PTPRK: variants seen among roughly 807,000 people sequenced by gnomAD.
PTPRK encodes the protein receptor-type tyrosine-protein phosphatase kappa.
In PTPRK, 75 loss-of-function variants were observed where a neutral mutation model predicts 178.0. The observed-to-expected ratio is 0.42, with a 90% CI of 0.35 to 0.51. The LOEUF (loss-of-function observed/expected upper bound fraction) is 0.51, where lower values mean the gene tolerates loss of function less well. Ranked by LOEUF, PTPRK falls within the 20% of genes least tolerant of loss-of-function variation. The probability of loss-of-function intolerance (pLI) is 0.02; values close to 1 mark genes in which losing one functional copy is unlikely to be tolerated. For synonymous variants in PTPRK, 637 were observed against 620.6 expected (o/e 1.03, Z -0.39); for missense variants, 1,441 against 1,797.8 (o/e 0.80, Z 3.59).
At chr6:128,253,811 A>G (rs1464503396) in intron 3 of PTPRK, among the ~76,000 whole-genome samples, 1 of 152,238 alleles carries the variant, frequency 6.6e-6, no homozygotes, top group South Asian at 2.1e-4. Context: ...TACATGTACC[A>G]TCATACTAAA....
intron 5 of PTPRK, among the ~76,000 whole-genome samples, chr6:128,230,575 C>T (rs1812128687): frequency 6.6e-6 from 1 of 151,986 alleles, no homozygotes; most frequent in African/African-American, 2.4e-5. Flanking sequence ...TATTCTATAC[C>T]TACGTTTTAT....
intron 1 of PTPRK, among the ~76,000 whole-genome samples, chr6:128,510,641 G>A (rs1857036853): frequency 6.6e-6 from 1 of 152,112 alleles, no homozygotes; most frequent in African/African-American, 2.4e-5. Context: ...ATGCATACAT[G>A]TATAAATTCT....
intron 19 of PTPRK, among the ~76,000 whole-genome samples, chr6:127,992,260 T>C (rs1776695102): frequency 6.6e-6 from 1 of 151,788 alleles, no homozygotes; most frequent in Non-Finnish European, 1.5e-5. Flanking sequence ...GTCAAAAAAT[T>C]GCTCAGTATA....
rs1421044682 is a variant in PTPRK, at chr6:128,009,162, A to C, written c.2301T>G (p.Leu767=). The part of the protein sequence containing the change: ...ISAGILVFIL[L]LLVVILIVKK... ...TTACAATTAATATGACAACTAGGAG[A>C]AGGAGGATGAACACCAAAATTCCAG... Residue 767 remains leucine, a synonymous_variant, in exon 14 of 30, where the codon CTT becomes CTG. Transcript: ENST00000368226. 3.1e-6 allele frequency: 5 copies of C among 1,608,996 alleles called. No homozygotes were observed. The East Asian group carries it at 8.9e-5, about 29-fold the overall frequency.
At position 128,519,222 on chromosome 6, in the gene PTPRK, TG is replaced by T; in HGVS notation, c.100+1036del. 2 of 436,194 alleles carry T rather than the reference TG, an allele frequency of 4.6e-6. No homozygotes were observed. The highest frequency in any genetic ancestry group is 9.3e-6 in the Non-Finnish European group (2 of 215,596). 27.0% of individuals were successfully genotyped at this position (436,194 alleles called of 1,614,324 possible). A position where few individuals can be genotyped will look rare whatever the true frequency, so the allele number is the denominator to read the frequency against. ...GGGAGCCCGCTCCCCAGCGTCCACC[TG>T]GTGAAACTTCAGAGCCCCCAGAGGA... On this transcript the variant is annotated intron_variant, in intron 1 of 29. Transcript: ENST00000368226. This position sits in a 1 kb window ranked among gnomAD's most constrained non-coding sequence, Gnocchi z 4.3.
At chr6:128,271,152 G>A in intron 3 of PTPRK, among the ~76,000 whole-genome samples, 1 of 152,076 alleles carries the variant, frequency 6.6e-6, no homozygotes, top group East Asian at 1.9e-4. Context: ...TCATAATAGT[G>A]GGAGAAATAC....
chr6:128,240,304 A>G (rs1268215410), intron 4 of PTPRK, among the ~76,000 whole-genome samples, 154 bp from the exon 5 acceptor site: 1 of 152,172 alleles, frequency 6.6e-6, no homozygotes, highest in East Asian at 1.9e-4. Flanking sequence ...TTTGTGCCGG[A>G]AGACACCATT....
At chr6:128,235,604 T>A (rs781130984) in intron 5 of PTPRK, 5 of 501,224 alleles carry the variant, frequency 1.0e-5, no homozygotes, top group African/African-American at 2.0e-5. Flanking sequence ...AGTCTGAAAA[T>A]CTTAAATGAA....
intron 1 of PTPRK, among the ~76,000 whole-genome samples, chr6:128,518,689 C>T (rs1858466807): frequency 6.6e-6 from 1 of 152,208 alleles, no homozygotes; most frequent in South Asian, 2.1e-4. Context: ...GAAATGCATG[C>T]AGTAATGCTT....
chr6:128,470,345 T>C (rs548442716), intron 1 of PTPRK, among the ~76,000 whole-genome samples: 72 of 152,136 alleles, frequency 4.7e-4, no homozygotes, highest in Non-Finnish European at 8.7e-4. Flanking sequence ...ATGCTAATTA[T>C]GAAGTGTTGT....
intron 3 of PTPRK, among the ~76,000 whole-genome samples, chr6:128,246,579 A>C (rs1228384059): frequency 6.6e-6 from 1 of 152,236 alleles, no homozygotes; most frequent in Non-Finnish European, 1.5e-5. Context: ...TATCACTTCA[A>C]CAGAGCCCTC....
intron 21 of PTPRK, among the ~76,000 whole-genome samples, chr6:127,988,752 T>C (rs1305497187): frequency 6.6e-6 from 1 of 152,050 alleles, no homozygotes; most frequent in Non-Finnish European, 1.5e-5. Context: ...TTAGAATTAA[T>C]AGTGGTTTAA....
chr6:128,119,011 AT>A (rs1283606203), intron 7 of PTPRK, among the ~76,000 whole-genome samples: 1 of 152,198 alleles, frequency 6.6e-6, no homozygotes, highest in Non-Finnish European at 1.5e-5. Context: ...GAGAAACATT[AT>A]TTAAATGCTC....
intron 5 of PTPRK, chr6:128,232,064 C>T (rs1464997312): frequency 1.3e-5 from 2 of 152,220 alleles, no homozygotes; most frequent in Admixed American, 1.3e-4. Flanking sequence ...TGGTCTAGTA[C>T]CAACTTTTCC....
At chr6:128,335,800 C>A (rs1830845135) in intron 2 of PTPRK, among the ~76,000 whole-genome samples, 1 of 151,562 alleles carries the variant, frequency 6.6e-6, no homozygotes, top group Non-Finnish European at 1.5e-5. Flanking sequence ...AAAAAAAAAA[C>A]CTGAAACCCT....
chr6:128,193,511 T>G (rs1804269842), intron 6 of PTPRK, among the ~76,000 whole-genome samples: 1 of 151,932 alleles, frequency 6.6e-6, no homozygotes, highest in Non-Finnish European at 1.5e-5. Flanking sequence ...GAACAAAAAT[T>G]TAATTCAGGG....
chr6:128,103,507 G>A (rs955755384), intron 7 of PTPRK, among the ~76,000 whole-genome samples: 2 of 152,084 alleles, frequency 1.3e-5, no homozygotes, highest in African/African-American at 4.8e-5. Context: ...GCCCAAAAGT[G>A]CTCACCCTGG....
At chr6:128,376,328 G>T (rs1206971828) in intron 2 of PTPRK, among the ~76,000 whole-genome samples, 1 of 152,160 alleles carries the variant, frequency 6.6e-6, no homozygotes, top group Non-Finnish European at 1.5e-5. Flanking sequence ...GTACCTGCAG[G>T]CTCAACACCA....
intron 3 of PTPRK, among the ~76,000 whole-genome samples, chr6:128,272,196 TA>T (rs1819935668): frequency 6.6e-6 from 1 of 151,962 alleles, no homozygotes; most frequent in Admixed American, 6.6e-5. Context: ...ACACCTTATA[TA>T]AAAATTAATT....
Sources: gnomAD v4.1 joint callset for allele counts (sites outside exome capture counted in the v4.1 genomes callset) on GRCh38, gnomAD v4.1.1 for gene constraint, Gnocchi (gnomAD v3.1) non-coding constraint, MANE v1.5 for transcripts, NCBI Gene and HGNC (gene_info 2026-07-23, HGNC 2026-07-21) for gene names.